Variants in DCC observed in about 807,000 individuals in gnomAD.
The protein encoded by DCC is DCC netrin 1 receptor.
Under a neutral mutation model 172.5 loss-of-function variants are expected in DCC, and 58 were observed. The ratio of observed to expected loss-of-function variants is 0.34; its 90% CI spans 0.27 to 0.42. DCC has a LOEUF of 0.42. Ranked by LOEUF, DCC falls within the 10% of genes least tolerant of loss-of-function variation. The pLI, the probability that DCC is intolerant of heterozygous loss-of-function variation, is 1.00. For missense variants in DCC, 1,740 were observed against 1,791.0 expected (o/e 0.97, Z 0.51); for synonymous variants, 709 against 644.5 (o/e 1.10, Z -1.52).
intron 9 of DCC, among the ~76,000 whole-genome samples, chr18:53,181,189 G>T (rs1336317684): frequency 6.6e-6 from 1 of 151,968 alleles, no homozygotes; most frequent in Admixed American, 6.6e-5. Flanking sequence ...AATCTCCATG[G>T]ATTATCTGAA....
At chr18:52,675,970 G>T (rs1159165476) in intron 1 of DCC, among the ~76,000 whole-genome samples, 2 of 152,142 alleles carry the variant, frequency 1.3e-5, no homozygotes, top group Non-Finnish European at 2.9e-5. Context: ...TCTTTTCTTG[G>T]TGTTAGTTTA....
intron 1 of DCC, among the ~76,000 whole-genome samples, chr18:52,494,873 A>AT (rs543520840): frequency 3.6e-4 from 54 of 152,108 alleles, no homozygotes; most frequent in East Asian, 1.9e-3. Flanking sequence ...ACACCTAGTA[A>AT]TTTTTTTATT....
At chr18:52,888,330 C>T (rs549176371) in intron 2 of DCC, among the ~76,000 whole-genome samples, 8 of 152,218 alleles carry the variant, frequency 5.3e-5, no homozygotes, top group South Asian at 4.1e-4. Flanking sequence ...ATGTGGTCTT[C>T]TCAGTGGATA....
chr18:53,198,877 A>T (rs2055490749), intron 9 of DCC, among the ~76,000 whole-genome samples: 1 of 152,110 alleles, frequency 6.6e-6, no homozygotes, highest in Non-Finnish European at 1.5e-5. Context: ...GATGGGGAGA[A>T]ATTAGAAGCA....
chr18:52,666,319 A>G (rs1432466371), intron 1 of DCC, among the ~76,000 whole-genome samples: 1 of 152,154 alleles, frequency 6.6e-6, no homozygotes, highest in Non-Finnish European at 1.5e-5. Context: ...AGAAAGTAAG[A>G]AATTCATACA....
At chr18:53,047,266 A>AAATT in intron 5 of DCC, among the ~76,000 whole-genome samples, 1 of 16,964 alleles carries the variant, frequency 5.9e-5, no homozygotes, top group African/African-American at 3.4e-4. Context: ...ATATATATAT[A>AAATT]TATATATATA....
intron 1 of DCC, among the ~76,000 whole-genome samples, chr18:52,705,734 C>T (rs1240885478): frequency 2.6e-5 from 4 of 152,220 alleles, no homozygotes; most frequent in African/African-American, 7.2e-5. Flanking sequence ...GCATAAGCCA[C>T]GGCCTGGCAC....
At chr18:52,692,834 G>A (rs1187966528) in intron 1 of DCC, among the ~76,000 whole-genome samples, 1 of 152,098 alleles carries the variant, frequency 6.6e-6, no homozygotes, top group Non-Finnish European at 1.5e-5. Context: ...ATATTCATGT[G>A]AGGAAATCAG....
rs972545014 is a variant in DCC at position 53,459,522 on chromosome 18, T to C, written c.3619+64T>C. 71 of 1,031,536 alleles carry C rather than the reference T, an allele frequency of 6.9e-5. No homozygotes were observed. In the Admixed American group the frequency reaches 1.2e-3, roughly 17 times the overall value. The allele number at this position is 1,031,536 out of a possible 1,614,324, so 63.9% of individuals were successfully genotyped here. On this transcript the variant is annotated intron_variant, in intron 24 of 28. Coordinates refer to ENST00000442544, the MANE Select transcript of DCC (RefSeq NM_005215.4). ...TTCTGAACCCAAGGGAGTTTTTCAC[T>C]CCTTTTATGGAAATGTCTTCCCTAC... is the stretch of plus-strand genomic sequence containing the variant.
At chr18:52,423,721 T>C (rs902415975) in intron 1 of DCC, among the ~76,000 whole-genome samples, 4 of 152,080 alleles carry the variant, frequency 2.6e-5, no homozygotes, top group Non-Finnish European at 4.4e-5. Flanking sequence ...CATTGATGAG[T>C]AAGAGCTTCT....
At chr18:52,622,940 C>A (rs1420073300) in intron 1 of DCC, among the ~76,000 whole-genome samples, 1 of 152,166 alleles carries the variant, frequency 6.6e-6, no homozygotes, top group East Asian at 1.9e-4. Context: ...TTTAAATTCA[C>A]AAAGGACATG....
intron 5 of DCC, among the ~76,000 whole-genome samples, chr18:52,966,811 C>T (rs1024383647): frequency 2.0e-5 from 3 of 152,128 alleles, no homozygotes; most frequent in Admixed American, 1.3e-4. Context: ...TTAATCCAGC[C>T]CACTCATCTG....
At chr18:52,597,833 T>C (rs578031318) in intron 1 of DCC, among the ~76,000 whole-genome samples, 2 of 152,354 alleles carry the variant, frequency 1.3e-5, no homozygotes, top group South Asian at 4.1e-4. Flanking sequence ...AGCTCTTCTC[T>C]GTTTCATGGT....
chr18:53,507,988 G>C lies in DCC; in HGVS notation c.4111+8478G>C, dbSNP rs1487336586. Reference sequence around the variant, plus strand: ...TGCTCACTGCAAGCTCTGCCTCCGGGGTTCACGCCATTCTCCTGCCTCAGC... The same window carrying C: ...TGCTCACTGCAAGCTCTGCCTCCGGCGTTCACGCCATTCTCCTGCCTCAGC... On this transcript the variant is annotated intron_variant, in intron 27 of 28. Transcript: ENST00000442544. Among the ~76,000 whole-genome samples, 3 of 117,886 alleles carry C rather than the reference G, an allele frequency of 2.5e-5. No homozygotes were observed. The Admixed American group carries it at 2.6e-4, about 10-fold the overall frequency. The allele number at this position is 117,886 out of a possible 152,430, so 77.3% of individuals were successfully genotyped here.
At chr18:53,025,926 TTTAA>T (rs2041949712) in intron 5 of DCC, among the ~76,000 whole-genome samples, 1 of 152,008 alleles carries the variant, frequency 6.6e-6, no homozygotes, top group Non-Finnish European at 1.5e-5. Context: ...TTATTTTTTA[TTTAA>T]TCTAAGAAAA....
At chr18:52,796,608 G>C (rs112921778) in intron 2 of DCC, among the ~76,000 whole-genome samples, 6,562 of 152,120 alleles carry the variant, frequency 0.043, 219 homozygotes, top group South Asian at 0.16. Flanking sequence ...TGGCTAAAAG[G>C]TACTTGTTTT....
chr18:53,104,807 C>T (rs1358960907), intron 7 of DCC, among the ~76,000 whole-genome samples: 1 of 151,976 alleles, frequency 6.6e-6, no homozygotes, highest in Non-Finnish European at 1.5e-5. Context: ...GTTAAGTCAT[C>T]ATACTACTTG....
chr18:53,178,270 C>A (rs1410909204), intron 8 of DCC, among the ~76,000 whole-genome samples: 2 of 152,172 alleles, frequency 1.3e-5, no homozygotes, highest in Non-Finnish European at 2.9e-5. Context: ...TAAATGCAAC[C>A]ATGATCAGTA....
intron 1 of DCC, among the ~76,000 whole-genome samples, chr18:52,542,428 A>G (rs948499203): frequency 6.6e-6 from 1 of 152,208 alleles, no homozygotes; most frequent in Non-Finnish European, 1.5e-5. Flanking sequence ...AGAATCATGT[A>G]TGCTGTGATG....
Sources: gnomAD v4.1 joint callset for allele counts (sites outside exome capture counted in the v4.1 genomes callset) on GRCh38, gnomAD v4.1.1 for gene constraint, MANE v1.5 for transcripts, NCBI Gene and HGNC (gene_info 2026-07-23, HGNC 2026-07-21) for gene names.